MGAT5: variants seen among roughly 807,000 people sequenced by gnomAD.
MGAT5 encodes the protein alpha-1,6-mannosylglycoprotein 6-beta-N-acetylglucosaminyltransferase A.
MGAT5 carries 30 observed loss-of-function variants against 94.3 expected under a neutral mutation model. That is an observed-to-expected ratio of 0.32 (90% CI 0.24 to 0.43). The LOEUF is 0.43. Among genes scored for constraint, MGAT5 ranks in the 20% least tolerant of loss-of-function variants. The pLI is 1.00. For missense variants in MGAT5, 691 were observed against 905.5 expected (o/e 0.76, Z 3.04); for synonymous variants, 310 against 322.9 (o/e 0.96, Z 0.43).
chr2:134,266,030 T>C (rs1683690348), intron 1 of MGAT5, among the ~76,000 whole-genome samples: 1 of 151,628 alleles, frequency 6.6e-6, no homozygotes, highest in South Asian at 2.1e-4. Context: ...TAGCTGGGTG[T>C]GGTGGCACCT....
At chr2:134,161,457 C>A (rs572785873) in intron 1 of MGAT5, among the ~76,000 whole-genome samples, 1 of 152,298 alleles carries the variant, frequency 6.6e-6, no homozygotes, top group South Asian at 2.1e-4. Context: ...GCCTCTTGCC[C>A]TCATCTTGTC....
rs548250883 is a variant in MGAT5 at position 134,205,493 on chromosome 2, G to A, written c.-142-48769G>A. Among the ~76,000 whole-genome samples the A allele has an allele frequency of 2.4e-3, 372 of 152,306 alleles. 3 individuals carry two copies. The highest frequency in any genetic ancestry group is 4.0e-3 in the Non-Finnish European group (273 of 68,022). On this transcript the variant is annotated intron_variant, in intron 1 of 16. Transcript: ENST00000409645. ...AGAACGTACACATGAGGGCTTAAGG[G>A]TCTTGCTGGAGCAGCCGGAGTGGGA...
intron 2 of MGAT5, among the ~76,000 whole-genome samples, chr2:134,290,881 A>G (rs998920525): frequency 6.6e-6 from 1 of 152,224 alleles, no homozygotes. Context: ...ACTTGATCAG[A>G]TTGGCTATAT....
rs1387907910 is a variant in MGAT5, at chr2:134,433,546, T to C, written c.1869+5107T>C. Among the ~76,000 whole-genome samples the C allele has an allele frequency of 2.0e-5, 3 of 152,318 alleles. No homozygotes were observed. The East Asian group carries it at 5.8e-4, about 29-fold the overall frequency. On this transcript the variant is annotated intron_variant, in intron 14 of 15. Coordinates refer to ENST00000281923, the MANE Select transcript of MGAT5 (RefSeq NM_002410.5). The stretch of plus-strand genomic sequence containing the variant: ...TTTATAGGCACCGTCACTGTTTCTT[T>C]TGTGGAAACAAAAATTCACACTCAC...
chr2:134,173,552 C>T (rs943631677), intron 1 of MGAT5, among the ~76,000 whole-genome samples: 13 of 152,320 alleles, frequency 8.5e-5, no homozygotes, highest in African/African-American at 2.6e-4. Flanking sequence ...GGCAGGCAGA[C>T]GTGTTGGCGT....
chr2:134,147,546 T>C (rs1686974671), intron 1 of MGAT5, among the ~76,000 whole-genome samples: 1 of 148,742 alleles, frequency 6.7e-6, no homozygotes, highest in Non-Finnish European at 1.5e-5. Flanking sequence ...AGTGTAGTTA[T>C]CAGGAAATGT....
At chr2:134,274,292 A>G (rs9677256) in intron 2 of MGAT5, among the ~76,000 whole-genome samples, 32,532 of 152,172 alleles carry the variant, frequency 0.21, 4,975 homozygotes, top group African/African-American at 0.41. Flanking sequence ...ACCACCTGGA[A>G]GAGTTTCTTC....
At chr2:134,304,115 C>G (rs574360412) in intron 2 of MGAT5, among the ~76,000 whole-genome samples, 5 of 152,304 alleles carry the variant, frequency 3.3e-5, no homozygotes, top group African/African-American at 7.2e-5. Flanking sequence ...TTATGTGGAT[C>G]TTACACAGGT....
At chr2:134,287,739 T>C (rs1685098832) in intron 2 of MGAT5, among the ~76,000 whole-genome samples, 1 of 152,238 alleles carries the variant, frequency 6.6e-6, no homozygotes. Flanking sequence ...TCCACTGTTG[T>C]GAATCTAGAG....
intron 15 of MGAT5, among the ~76,000 whole-genome samples, chr2:134,448,170 G>A (rs1368725436): frequency 2.6e-5 from 4 of 152,212 alleles, no homozygotes; most frequent in Admixed American, 6.5e-5. Flanking sequence ...GCACATAGCC[G>A]TCTCGACTTG....
At chr2:134,310,724 G>A (rs1408471114) in intron 2 of MGAT5, among the ~76,000 whole-genome samples, 1 of 152,166 alleles carries the variant, frequency 6.6e-6, no homozygotes, top group East Asian at 1.9e-4. Flanking sequence ...TGGTGCAAAA[G>A]TAAAGCATTC....
intron 1 of MGAT5, among the ~76,000 whole-genome samples, chr2:134,242,729 T>C (rs1320588221): frequency 6.6e-6 from 1 of 152,232 alleles, no homozygotes; most frequent in Non-Finnish European, 1.5e-5. Flanking sequence ...AGCAATGTTA[T>C]AGAGGTGCTA....
intron 10 of MGAT5, among the ~76,000 whole-genome samples, chr2:134,373,263 T>C (rs778221544): frequency 2.0e-5 from 3 of 152,156 alleles, no homozygotes; most frequent in Admixed American, 6.5e-5. Context: ...GCGTCTCACA[T>C]AGTGACCCAG....
At chr2:134,192,697 T>A (rs1679290121) in intron 1 of MGAT5, among the ~76,000 whole-genome samples, 1 of 152,088 alleles carries the variant, frequency 6.6e-6, no homozygotes, top group Non-Finnish European at 1.5e-5. Flanking sequence ...TTATTACTTT[T>A]TTAAATAGAA....
intron 1 of MGAT5, among the ~76,000 whole-genome samples, chr2:134,219,044 G>A (rs1410612386): frequency 2.0e-5 from 3 of 152,184 alleles, no homozygotes; most frequent in Non-Finnish European, 4.4e-5. Context: ...AGGGCCAGGG[G>A]AGATGGACAT....
At chr2:134,380,693 T>C (rs1681483149) in intron 10 of MGAT5, among the ~76,000 whole-genome samples, 1 of 152,254 alleles carries the variant, frequency 6.6e-6, no homozygotes, top group South Asian at 2.1e-4. Flanking sequence ...TTACTTTCAC[T>C]GTCCTGCTTA....
At chr2:134,310,548 A>G (rs1035236435) in intron 2 of MGAT5, among the ~76,000 whole-genome samples, 1 of 152,174 alleles carries the variant, frequency 6.6e-6, no homozygotes, top group Non-Finnish European at 1.5e-5. Context: ...AGTATTTTCA[A>G]AGATCCCAGT....
intron 9 of MGAT5, among the ~76,000 whole-genome samples, chr2:134,361,332 G>T (rs1010286471): frequency 6.6e-6 from 1 of 152,204 alleles, no homozygotes; most frequent in Admixed American, 6.5e-5. Flanking sequence ...CAGAGCAGTT[G>T]CTTCATTTAA....
intron 1 of MGAT5, among the ~76,000 whole-genome samples, chr2:134,170,272 A>G (rs1053591470): frequency 6.6e-6 from 1 of 152,158 alleles, no homozygotes; most frequent in African/African-American, 2.4e-5. Flanking sequence ...ACGATAATCC[A>G]TTTTCAAAAC....
Sources: gnomAD v4.1 joint callset for allele counts (sites outside exome capture counted in the v4.1 genomes callset) on GRCh38, gnomAD v4.1.1 for gene constraint, MANE v1.5 for transcripts, NCBI Gene and HGNC (gene_info 2026-07-23, HGNC 2026-07-21) for gene names.